TRDN: variants seen among roughly 807,000 people sequenced by gnomAD.
The protein encoded by TRDN is triadin, also known as triadin in skeletal muscle.
A neutral mutation model predicts 149.7 loss-of-function variants in TRDN; 161 were observed. That is an observed-to-expected ratio of 1.08 (90% CI 0.95 to 1.23). The LOEUF is 1.23. Among genes scored for constraint, TRDN ranks in the 50% most tolerant of loss-of-function variants. The pLI is 0.00. For missense variants in TRDN, 896 were observed against 823.5 expected, an observed-to-expected ratio of 1.09 and a Z score of -1.08; for synonymous variants, 294 against 250.5, an observed-to-expected ratio of 1.17 and a Z score of -1.64.
Position 123,529,398 on chromosome 6 carries a change from TG to T in TRDN, c.484+1107del, listed in dbSNP as rs1780114265. 5.3e-6 allele frequency: 8 copies of T among 1,510,434 alleles called. No individual in the cohort carries two copies. In the South Asian group the frequency reaches 9.6e-5, roughly 18 times the overall value. The allele number at this position is 1,510,434 out of a possible 1,614,324, so 93.6% of individuals were successfully genotyped here. ...TAGGTTTCAACTGAGTGAGCTTCAA[TG>T]TTCTGATTGTTGAAGAATTGGCTGA... On this transcript the variant is annotated intron_variant, in intron 5 of 40. Coordinates refer to ENST00000334268, the MANE Select transcript of TRDN (RefSeq NM_006073.4).
chr6:123,433,507 T>A (rs139113655), intron 12 of TRDN, among the ~76,000 whole-genome samples: 2 of 152,054 alleles, frequency 1.3e-5, no homozygotes, highest in Admixed American at 6.6e-5. Flanking sequence ...AGGCATTTTT[T>A]AAATATTTCC....
Position 123,248,513 on chromosome 6 carries a change from C to T in TRDN, c.1975+3899G>A, listed in dbSNP as rs577960312. 2.3e-4 allele frequency among the ~76,000 whole-genome samples: 35 copies of T among 152,060 alleles called. 1 individual carries two copies. The highest frequency in any genetic ancestry group is 1.3e-3 in the Admixed American group (20 of 15,256). On this transcript the variant is annotated intron_variant, in intron 38 of 40. Coordinates refer to ENST00000334268, the MANE Select transcript of TRDN (RefSeq NM_006073.4). ...CAGAAGTTGCACTGAGCTGAGATCA[C>T]GCCACTGCACTCCAGCCTGGGTAAC... is the stretch of plus-strand genomic sequence containing the variant.
At chr6:123,409,933 A>G (rs1398933599) in intron 12 of TRDN, among the ~76,000 whole-genome samples, 2 of 152,194 alleles carry the variant, frequency 1.3e-5, no homozygotes, top group Non-Finnish European at 1.5e-5. Flanking sequence ...CTCTGAAATA[A>G]TCATAATTGT....
chr6:123,373,906 T>C (rs1781413663), intron 19 of TRDN, among the ~76,000 whole-genome samples: 1 of 152,234 alleles, frequency 6.6e-6, no homozygotes, highest in Non-Finnish European at 1.5e-5. Context: ...ATTTTCATTT[T>C]AGGCATTAAC....
chr6:123,374,809 A>G (rs760294212), intron 19 of TRDN, among the ~76,000 whole-genome samples: 2 of 151,968 alleles, frequency 1.3e-5, no homozygotes, highest in African/African-American at 2.4e-5. Context: ...ACAAACAAAA[A>G]AAAACCTCAG....
At chr6:123,412,545 T>C (rs1057163455) in intron 12 of TRDN, among the ~76,000 whole-genome samples, 1 of 152,158 alleles carries the variant, frequency 6.6e-6, no homozygotes. Context: ...TGTCCTATTT[T>C]TCTTCCTAGA....
Position 123,571,081 on chromosome 6 carries a change from G to A in TRDN, c.74C>T (p.Pro25Leu), listed in dbSNP as rs1477467742. The A allele has an allele frequency of 6.2e-7, 1 of 1,613,902 alleles. No homozygotes were observed. The highest frequency in any genetic ancestry group is 8.5e-7 in the Non-Finnish European group (1 of 1,179,850). Residue 25 changes from proline (P) to leucine (L), a missense_variant, in exon 2 of 41, where the codon CCC becomes CTC. Transcript: ENST00000334268. ...TVIDSKNGSV[P>L]KSPGKVLKRT... ...CTTCAGCACTTTTCCGGGGGATTTG[G>A]GCACAGATCCATTTTTGCTGTCTAT...
chr6:123,464,395 T>G lies in TRDN; in HGVS notation c.931+511A>C, dbSNP rs550828762. ...CAGTATTTGTGTGTGTGTGAGTGTG[T>G]GTGTATATATATATTTCAATCCTCA... On this transcript the variant is annotated intron_variant, in intron 10 of 40. Transcript: ENST00000334268. The G allele has an allele frequency of 4.0e-5, 39 of 968,818 alleles. No homozygotes were observed. In the African/African-American group the frequency reaches 6.3e-4, roughly 16 times the overall value. The allele number at this position is 968,818 out of a possible 1,614,324, so 60.0% of individuals were successfully genotyped here. A position where few individuals can be genotyped will look rare whatever the true frequency, so the allele number is the denominator to read the frequency against.
intron 35 of TRDN, among the ~76,000 whole-genome samples, chr6:123,258,635 T>C (rs545776741): frequency 1.3e-5 from 2 of 152,090 alleles, no homozygotes; most frequent in East Asian, 3.9e-4. Context: ...TGGTGTAAGG[T>C]TGACGCTGGC....
chr6:123,392,082 TCA>T (rs1053896963), intron 13 of TRDN, among the ~76,000 whole-genome samples: 1 of 152,082 alleles, frequency 6.6e-6, no homozygotes, highest in Non-Finnish European at 1.5e-5. Context: ...CTTGCCTTGT[TCA>T]CTGTGCTTCA....
At chr6:123,463,356 ATAATAAAT>A (rs1203463752) in intron 10 of TRDN, among the ~76,000 whole-genome samples, 2 of 141,376 alleles carry the variant, frequency 1.4e-5, no homozygotes, top group Admixed American at 6.9e-5. Flanking sequence ...AAAAAAATAA[ATAATAAAT>A]AAATAAATAA....
In TRDN at chr6:123,377,892, T is replaced by A. The variant is rs374355537; in HGVS notation, c.1193A>T (p.Glu398Val). Residue 398 changes from glutamate (E) to valine (V), a missense_variant, in exon 17 of 41, where the codon GAA becomes GTA. Transcript: ENST00000334268. ...EVEQPKGKKQ[E>V]KKEKHVEPAK... Reference sequence around the variant, plus strand: ...TGGTTCCACATGTTTTTCTTTCTTTTCCTGTTCTGAAACATATTATTATTG... The same window carrying A: ...TGGTTCCACATGTTTTTCTTTCTTTACCTGTTCTGAAACATATTATTATTG... The A allele has an allele frequency of 7.1e-5, 107 of 1,507,656 alleles. No homozygotes were observed. The African/African-American group carries it at 1.4e-3, about 20-fold the overall frequency. 93.4% of individuals were successfully genotyped at this position (1,507,656 alleles called of 1,614,324 possible). A position where few individuals can be genotyped will look rare whatever the true frequency, so the allele number is the denominator to read the frequency against.
intron 38 of TRDN, among the ~76,000 whole-genome samples, chr6:123,233,775 T>G (rs1467126786): frequency 2.0e-5 from 3 of 152,046 alleles, no homozygotes; most frequent in Non-Finnish European, 2.9e-5. Context: ...TTGTTTTAAA[T>G]CCAAGCAAAA....
chr6:123,458,366 C>A (rs1256694831), intron 10 of TRDN, among the ~76,000 whole-genome samples: 1 of 152,152 alleles, frequency 6.6e-6, no homozygotes, highest in Non-Finnish European at 1.5e-5. Context: ...ACATTTAAAT[C>A]ATAGACTTTG....
At chr6:123,301,756 T>C (rs924697491) in intron 24 of TRDN, among the ~76,000 whole-genome samples, 1 of 71,560 alleles carries the variant, frequency 1.4e-5, no homozygotes, top group African/African-American at 4.1e-5. Flanking sequence ...TATATACATA[T>C]ATATATATAT....
chr6:123,585,510 C>T (rs1198819106), intron 1 of TRDN, among the ~76,000 whole-genome samples: 3 of 151,962 alleles, frequency 2.0e-5, no homozygotes, highest in Admixed American at 1.3e-4. Flanking sequence ...GCTCGGCATC[C>T]ATGATGGTCT....
At chr6:123,566,302 T>C (rs754474607) in intron 2 of TRDN, among the ~76,000 whole-genome samples, 2 of 152,208 alleles carry the variant, frequency 1.3e-5, no homozygotes, top group Non-Finnish European at 2.9e-5. Flanking sequence ...GATAAGTTCC[T>C]AGTCATGTTA....
At chr6:123,369,388 G>A (rs1781236962) in intron 19 of TRDN, among the ~76,000 whole-genome samples, 1 of 151,974 alleles carries the variant, frequency 6.6e-6, no homozygotes. Flanking sequence ...CTTTTGGTGG[G>A]AGGCACGAAT....
chr6:123,587,033 G>A (rs187456497), intron 1 of TRDN, among the ~76,000 whole-genome samples: 175 of 152,124 alleles, frequency 1.2e-3, no homozygotes, highest in African/African-American at 3.6e-3. Flanking sequence ...CTAGAAAAGC[G>A]GGACTTGCTG....
Sources: allele counts gnomAD v4.1 joint callset (sites outside exome capture counted in the v4.1 genomes callset), GRCh38; gene constraint gnomAD v4.1.1; transcripts MANE v1.5; gene names NCBI Gene and HGNC (gene_info 2026-07-23, HGNC 2026-07-21).